EXT2: variants seen among roughly 807,000 people sequenced by gnomAD.
EXT2 encodes exostosin-2.
In EXT2, 53 loss-of-function variants were observed where a neutral mutation model predicts 81.6. The observed-to-expected ratio is 0.65, with a 90% CI of 0.52 to 0.82. The LOEUF (loss-of-function observed/expected upper bound fraction) is 0.82, where lower values mean the gene tolerates loss of function less well. EXT2 is among the 40% of genes least tolerant of loss of function. The pLI, the probability that EXT2 is intolerant of heterozygous loss-of-function variation, is 0.00. For missense variants in EXT2, 774 were observed against 910.2 expected, an observed-to-expected ratio of 0.85 and a Z score of 1.93; for synonymous variants, 320 against 340.0, an observed-to-expected ratio of 0.94 and a Z score of 0.65.
rs544604694 is a variant in EXT2 at position 44,195,429 on chromosome 11, T to C, written c.1306-2400T>C. 5.3e-4 allele frequency among the ~76,000 whole-genome samples: 80 copies of C among 151,218 alleles called. No individual in the cohort carries two copies. The South Asian group carries it at 6.1e-3, about 11-fold the overall frequency. On this transcript the variant is annotated intron_variant, in intron 8 of 13. Coordinates refer to ENST00000533608, the MANE Select transcript of EXT2 (RefSeq NM_207122.2). ...AGCCTGGGCAACGAGTGAAACTCTGTCTCAAAAAAAAAAAGAAAAAGAAAA... is the reference window on the plus strand; with the variant it reads ...AGCCTGGGCAACGAGTGAAACTCTGCCTCAAAAAAAAAAAGAAAAAGAAAA...
intron 8 of EXT2, among the ~76,000 whole-genome samples, chr11:44,180,021 CT>C (rs371616282): frequency 2.9e-4 from 44 of 152,140 alleles, no homozygotes; most frequent in African/African-American, 1.1e-3. Context: ...TTGGCTCTCC[CT>C]TTTTTTTCCC....
chr11:44,189,177 A>G (rs747805469), intron 8 of EXT2, among the ~76,000 whole-genome samples: 5 of 152,208 alleles, frequency 3.3e-5, no homozygotes, highest in African/African-American at 4.8e-5. Context: ...CACCATTTAG[A>G]AAACTCACTT....
intron 10 of EXT2, among the ~76,000 whole-genome samples, chr11:44,217,504 TTC>T (rs1955733812): frequency 6.6e-6 from 1 of 152,224 alleles, no homozygotes; most frequent in South Asian, 2.1e-4. Flanking sequence ...CCCTGTGTGT[TTC>T]TGACTTGTTT....
At chr11:44,239,428 C>A (rs1355094894) in intron 13 of EXT2, among the ~76,000 whole-genome samples, 1 of 137,264 alleles carries the variant, frequency 7.3e-6, no homozygotes, top group Non-Finnish European at 1.5e-5. Context: ...TAGTCTCACT[C>A]TCTTGCCAGG....
At chr11:44,134,818 T>C (rs953020805) in intron 7 of EXT2, among the ~76,000 whole-genome samples, 1 of 152,172 alleles carries the variant, frequency 6.6e-6, no homozygotes, top group Non-Finnish European at 1.5e-5. Context: ...CACTAGGAGG[T>C]GGAAGTCAGG....
intron 10 of EXT2, among the ~76,000 whole-genome samples, chr11:44,226,244 G>C (rs574566692): frequency 1.3e-5 from 2 of 152,294 alleles, no homozygotes; most frequent in South Asian, 4.1e-4. Context: ...CATGTAATTG[G>C]TTTTCCTGCG....
intron 8 of EXT2, among the ~76,000 whole-genome samples, chr11:44,187,336 T>C (rs1955329742): frequency 6.6e-6 from 1 of 151,858 alleles, no homozygotes; most frequent in Non-Finnish European, 1.5e-5. Context: ...CACCACTATA[T>C]CCAGCTAATT....
chr11:44,236,514 G>A (rs1955967129), intron 13 of EXT2, 139 bp downstream of exon 13: 2 of 790,556 alleles, frequency 2.5e-6, no homozygotes, highest in South Asian at 2.9e-5. Flanking sequence ...TGTGGGAATT[G>A]GGTTAGTTCA....
chr11:44,158,491 A>G (rs1193967426), intron 7 of EXT2, among the ~76,000 whole-genome samples: 1 of 152,150 alleles, frequency 6.6e-6, no homozygotes, highest in African/African-American at 2.4e-5. Flanking sequence ...CTGCTGCTCA[A>G]AGAAAGATTC....
At chr11:44,236,217 G>A in intron 12 of EXT2, 76 bp from the exon 13 acceptor site, 1 of 1,244,638 alleles carries the variant, frequency 8.0e-7, no homozygotes, top group Non-Finnish European at 1.2e-6. Context: ...ACAAAAGAAT[G>A]CAGTGTGGTG....
intron 10 of EXT2, among the ~76,000 whole-genome samples, chr11:44,212,536 T>C (rs1204038880): frequency 6.6e-6 from 1 of 152,042 alleles, no homozygotes; most frequent in Non-Finnish European, 1.5e-5. Flanking sequence ...AACTCATACA[T>C]TACTGGTGAA....
Position 44,107,737 on chromosome 11 carries a change from A to G in EXT2, c.25A>G (p.Ile9Val). Reference sequence around the variant, plus strand: ...TATGTGTGCGTCGGTCAAGTATAATATCCGGGGTCCTGCCCTCATCCCAAG... The same window carrying G: ...TATGTGTGCGTCGGTCAAGTATAATGTCCGGGGTCCTGCCCTCATCCCAAG... MCASVKYN[I>V]RGPALIPRMK... Residue 9 changes from isoleucine to valine, a missense_variant, in exon 2 of 14, where the codon ATC becomes GTC. Transcript: ENST00000533608. 2 of 1,614,220 alleles carry G rather than the reference A, an allele frequency of 1.2e-6. No individual in the cohort carries two copies. Among genetic ancestry groups the G allele is most frequent in the Non-Finnish European group, 1.7e-6 (2 of 1,180,044 alleles).
rs1955218851 is a variant in EXT2, at chr11:44,180,381, A to C, written c.1305+8639A>C. Among the ~76,000 whole-genome samples the C allele has an allele frequency of 3.3e-5, 5 of 152,328 alleles. No individual in the cohort carries two copies. The South Asian group carries it at 8.3e-4, about 25-fold the overall frequency. Reference sequence around the variant, plus strand: ...ATAAATGTTGTTTTCAACTGAACAAAGTTGTAAACAAGGATTTTGTTTTCT... The same window carrying C: ...ATAAATGTTGTTTTCAACTGAACAACGTTGTAAACAAGGATTTTGTTTTCT... On this transcript the variant is annotated intron_variant, in intron 8 of 13. Coordinates refer to ENST00000533608, the MANE Select transcript of EXT2 (RefSeq NM_207122.2).
chr11:44,146,793 A>G (rs1292253932), intron 7 of EXT2, among the ~76,000 whole-genome samples: 2 of 152,232 alleles, frequency 1.3e-5, no homozygotes, highest in African/African-American at 2.4e-5. Context: ...GAAATTTTGC[A>G]TATCACAGTT....
chr11:44,109,834 T>A (rs981314972), intron 3 of EXT2, among the ~76,000 whole-genome samples: 3 of 152,164 alleles, frequency 2.0e-5, no homozygotes, highest in African/African-American at 7.2e-5. Flanking sequence ...GCAGATGTGG[T>A]ATGGGGTGGC....
At chr11:44,243,001 C>G (rs1301592396) in intron 13 of EXT2, among the ~76,000 whole-genome samples, 1 of 152,138 alleles carries the variant, frequency 6.6e-6, no homozygotes, top group Non-Finnish European at 1.5e-5. Flanking sequence ...TTGGAACATA[C>G]AGTAAATGGT....
Position 44,107,865 on chromosome 11 carries a change from G to T in EXT2, c.153G>T (p.Glu51Asp). The change falls in exon 2 of 14, where the codon GAG becomes GAT. Residue 51 changes from glutamate to aspartate, a missense_variant. Physicochemically the swap from Glu to Asp is conservative, Grantham distance 45. Around this residue, in one of 2 missense-constraint regions of EXT2, gnomAD observed 626 missense variants for 670.5 expected, o/e 0.93. Transcript: ENST00000533608. ...TTCAGTTTTGGCCCCATTCTATCGAGTCCTCAAATGACTGGAATGTAGAGA... is the reference window on the plus strand; with the variant it reads ...TTCAGTTTTGGCCCCATTCTATCGATTCCTCAAATGACTGGAATGTAGAGA... Reference protein sequence around the residue: ...GMFQFWPHSIESSNDWNVEKR... With the variant: ...GMFQFWPHSIDSSNDWNVEKR... The T allele has an allele frequency of 6.2e-7, 1 of 1,614,120 alleles. No homozygotes were observed. The highest frequency in any genetic ancestry group is 8.5e-7 in the Non-Finnish European group (1 of 1,180,046).
chr11:44,126,487 A>T (rs562421947), intron 5 of EXT2, among the ~76,000 whole-genome samples: 1 of 152,240 alleles, frequency 6.6e-6, no homozygotes, highest in African/African-American at 2.4e-5. Context: ...TACATAGTAC[A>T]CTAGGGCCTA....
chr11:44,232,325 TTGA>T (rs1376696206), intron 10 of EXT2, 25 bp from the exon 11 acceptor site: 4 of 1,613,052 alleles, frequency 2.5e-6, no homozygotes, highest in Non-Finnish European at 3.4e-6. Flanking sequence ...GAATTGGGAC[TTGA>T]TTGTTATTAT....
Sources: gnomAD v4.1 joint callset for allele counts (sites outside exome capture counted in the v4.1 genomes callset) on GRCh38, gnomAD v4.1.1 for gene constraint, gnomAD v4.1.1 regional missense constraint, MANE v1.5 for transcripts, NCBI Gene and HGNC (gene_info 2026-07-23, HGNC 2026-07-21) for gene names.